Variants in MMP15 observed in about 807,000 individuals in gnomAD.
MMP15 encodes the protein matrix metalloproteinase-15.
MMP15 carries 36 observed loss-of-function variants against 65.0 expected under a neutral mutation model. The observed-to-expected ratio is 0.55, with a 90% CI of 0.42 to 0.73. The LOEUF (loss-of-function observed/expected upper bound fraction) is 0.73, where lower values mean the gene tolerates loss of function less well. Among genes scored for constraint, MMP15 ranks in the 30% least tolerant of loss-of-function variants. The pLI is 0.00. For missense variants in MMP15, 870 were observed against 987.8 expected (o/e 0.88, Z 1.60); for synonymous variants, 428 against 410.2 (o/e 1.04, Z -0.52).
intron 1 of MMP15, among the ~76,000 whole-genome samples, chr16:58,035,919 G>A (rs1216336455): frequency 1.3e-5 from 2 of 152,220 alleles, no homozygotes; most frequent in East Asian, 3.8e-4. Context: ...GGACCTGGCC[G>A]GGTGCCAGGG....
chr16:58,040,533 A>G lies in MMP15; in HGVS notation c.749-4A>G, dbSNP rs1401671204. 5.6e-6 allele frequency: 9 copies of G among 1,611,882 alleles called. No individual in the cohort carries two copies. The highest frequency in any genetic ancestry group is 7.6e-6 in the Non-Finnish European group (9 of 1,179,850). ...CTGTGCTGCCCTCCTTCTCTCCCCA[A>G]AAGGAAACAACCTCTTCCTGGTGGC... On this transcript the variant is annotated splice_region_variant and splice_polypyrimidine_tract_variant and intron_variant, in intron 4 of 9. Transcript: ENST00000219271.
intron 6 of MMP15, 49 bp from the exon 7 acceptor site, chr16:58,042,182 G>A (rs189990881): frequency 9.5e-5 from 151 of 1,581,786 alleles, no homozygotes; most frequent in Admixed American, 4.5e-4. Context: ...CACCTCTCCC[G>A]GCCAAGGCAG....
intron 1 of MMP15, among the ~76,000 whole-genome samples, chr16:58,027,319 C>T (rs1294622059): frequency 6.6e-6 from 1 of 152,232 alleles, no homozygotes; most frequent in East Asian, 1.9e-4. Flanking sequence ...GACATCCCGG[C>T]GTAGAGCCGA....
In MMP15 at chr16:58,041,654, C is replaced by T. The variant is rs1265583577; in HGVS notation, c.948C>T (p.Leu316=). 2 of 1,582,140 alleles carry T rather than the reference C, an allele frequency of 1.3e-6. No homozygotes were observed. The highest frequency in any genetic ancestry group is 2.3e-5 in the South Asian group (2 of 87,116). ...GTCAGCCACAGCCTACCCAGCCTCT[C>T]CCCACTGTGACGCCACGGCGGCCAG... ...PDGQPQPTQP[L]PTVTPRRPGR... The change falls in exon 6 of 10, where the codon CTC becomes CTT. Residue 316 remains leucine, a synonymous_variant. Transcript: ENST00000219271.
intron 1 of MMP15, 89 bp downstream of exon 1, chr16:58,026,601 G>A (rs1597060282): frequency 1.6e-6 from 2 of 1,243,758 alleles, no homozygotes; most frequent in Non-Finnish European, 2.0e-6. Context: ...GAGGTGGAGG[G>A]AGCGGAGACG....
At chr16:58,037,346 C>T in intron 1 of MMP15, 126 bp from the exon 2 acceptor site, 4 of 1,218,552 alleles carry the variant, frequency 3.3e-6, no homozygotes, top group Middle Eastern at 2.5e-4. Flanking sequence ...GTCACCTGGG[C>T]AGGAGGTGAT....
Position 58,041,698 on chromosome 16 carries a change from C to T in MMP15, c.992C>T (p.Pro331Leu), listed in dbSNP as rs746011827. ...PRRPGRPDHR[P>L]PRPPQPPPPG... ...CGGCCAGGCCGGCCTGACCACCGGC[C>T]GCCCCGGCCTCCCCAGCCACCACCC... is the stretch of plus-strand genomic sequence containing the variant. Residue 331 changes from proline (P) to leucine (L), a missense_variant, in exon 6 of 10, where the codon CCG becomes CTG. Coordinates refer to ENST00000219271, the MANE Select transcript of MMP15 (RefSeq NM_002428.4). 9.2e-5 allele frequency: 145 copies of T among 1,579,080 alleles called. No homozygotes were observed. The highest frequency in any genetic ancestry group is 1.1e-4 in the Non-Finnish European group (125 of 1,162,770).
At position 58,043,343 on chromosome 16, in the gene MMP15, C is replaced by T; in HGVS notation, c.1437C>T (p.Phe479=). The change falls in exon 8 of 10, where the codon TTC becomes TTT. Residue 479 remains phenylalanine, a synonymous_variant. Transcript: ENST00000219271. ...AIWWEPTGHT[F]FFQEDRYWRF... ...GGTGGGAGCCCACAGGCCACACCTT[C>T]TTCTTCCAAGAGGACAGGTGAGCAG... The T allele has an allele frequency of 6.2e-7, 1 of 1,605,596 alleles. No individual in the cohort carries two copies. The highest frequency in any genetic ancestry group is 8.5e-7 in the Non-Finnish European group (1 of 1,175,078).
At position 58,040,168 on chromosome 16, in the gene MMP15, G is replaced by A. The variant is rs1356948559; in HGVS notation, c.734G>A (p.Ser245Asn). Residue 245 changes from serine (S) to asparagine (N), a missense_variant, in exon 4 of 10, where the codon AGC becomes AAC. Ser to Asn is a conservative substitution (Grantham distance 46, BLOSUM62 1). Transcript: ENST00000219271. ...GCAGATGAGCCCTGGACCTTCTCCA[G>A]CACTGACCTGCATGGTGAGGACAGC... is the stretch of plus-strand genomic sequence containing the variant. Reference protein sequence around the residue: ...FDADEPWTFSSTDLHGNNLFL... With the variant: ...FDADEPWTFSNTDLHGNNLFL... The A allele has an allele frequency of 6.2e-7, 1 of 1,609,398 alleles. No individual in the cohort carries two copies. The highest frequency in any genetic ancestry group is 1.7e-5 in the Admixed American group (1 of 59,992).
Position 58,025,761 on chromosome 16 carries a change from G to C in MMP15, c.-590G>C, listed in dbSNP as rs1246835687. ...GCGGCCGCGGCGCGCGGGGAGGAGG[G>C]CTGGGAGCGCCCGGAGCCGCGCTGA... On this transcript the variant is annotated 5_prime_UTR_variant, in exon 1 of 10. Transcript: ENST00000219271. 1 of 151,946 alleles carries C rather than the reference G, an allele frequency of 6.6e-6. No individual in the cohort carries two copies. Among genetic ancestry groups the C allele is most frequent in the Non-Finnish European group, 1.5e-5 (1 of 67,924 alleles). 9.4% of individuals were successfully genotyped at this position (151,946 alleles called of 1,614,324 possible).
chr16:58,031,821 A>G (rs1963891836), intron 1 of MMP15, among the ~76,000 whole-genome samples: 1 of 147,168 alleles, frequency 6.8e-6, no homozygotes, highest in African/African-American at 2.5e-5. Flanking sequence ...GGTAGTGAGC[A>G]ATCCTCCAAG....
At chr16:58,036,552 C>A (rs1179622764) in intron 1 of MMP15, among the ~76,000 whole-genome samples, 1 of 152,174 alleles carries the variant, frequency 6.6e-6, no homozygotes, top group Non-Finnish European at 1.5e-5. Flanking sequence ...CATTGTGTAC[C>A]AGCTTTTTCC....
rs187532996 is a variant in MMP15, at chr16:58,028,511, A to T, written c.162+1999A>T. Among the ~76,000 whole-genome samples the T allele has an allele frequency of 6.6e-3, 1,012 of 152,270 alleles. 5 individuals carry two copies. Among genetic ancestry groups the T allele is most frequent in the Non-Finnish European group, 0.01 (696 of 68,014 alleles). ...GGTCTGGCCACATGTGGGCCCAAAG[A>T]GTCAAATGGCCTCAGCAGCCAGCCC... On this transcript the variant is annotated intron_variant, in intron 1 of 9. Coordinates refer to ENST00000219271, the MANE Select transcript of MMP15 (RefSeq NM_002428.4).
chr16:58,040,056 G>A lies in MMP15; in HGVS notation c.622G>A (p.Asp208Asn). 1 of 1,614,138 alleles carries A rather than the reference G, an allele frequency of 6.2e-7. No homozygotes were observed. The highest frequency in any genetic ancestry group is 8.5e-7 in the Non-Finnish European group (1 of 1,180,044). The part of the protein sequence containing the change: ...MVLFASGFHG[D>N]SSPFDGTGGF... ...ACTCTTTGCCTCTGGCTTCCACGGCGACAGCTCGCCGTTTGATGGCACCGG... is the reference window on the plus strand; with the variant it reads ...ACTCTTTGCCTCTGGCTTCCACGGCAACAGCTCGCCGTTTGATGGCACCGG... Residue 208 changes from aspartate (D) to asparagine (N), a missense_variant, in exon 4 of 10, where the codon GAC (aspartate) becomes AAC (asparagine). Transcript: ENST00000219271.
At chr16:58,042,697 A>G (rs1375790774) in intron 7 of MMP15, among the ~76,000 whole-genome samples, 3 of 152,220 alleles carry the variant, frequency 2.0e-5, no homozygotes, top group Non-Finnish European at 4.4e-5. Flanking sequence ...CTCCGGGGCC[A>G]GATTTCTGTG....
chr16:58,040,198 C>G lies in MMP15; in HGVS notation c.748+16C>G, dbSNP rs766476078. The stretch of plus-strand genomic sequence containing the variant: ...GACCTGCATGGTGAGGACAGCTGGC[C>G]AGGGTGAGGGGCAGGGCAGGTGGCC... On this transcript the variant is annotated intron_variant, in intron 4 of 9. Coordinates refer to ENST00000219271, the MANE Select transcript of MMP15 (RefSeq NM_002428.4). The G allele has an allele frequency of 6.3e-7, 1 of 1,594,092 alleles. No individual in the cohort carries two copies. The highest frequency in any genetic ancestry group is 2.2e-5 in the East Asian group (1 of 44,592).
At chr16:58,033,054 A>C (rs1287481708) in intron 1 of MMP15, among the ~76,000 whole-genome samples, 1 of 151,370 alleles carries the variant, frequency 6.6e-6, no homozygotes. Flanking sequence ...CCCCTCCCCC[A>C]CCCCACTCCC....
Position 58,040,560 on chromosome 16 carries a change from G to A in MMP15, c.772G>A (p.Val258Met), listed in dbSNP as rs1959431673. ...LHGNNLFLVA[V>M]HELGHALGLE... is the part of the protein sequence containing the mutation. ...AGGAAACAACCTCTTCCTGGTGGCAGTGCATGAGCTGGGCCACGCGCTGGG... is the reference window on the plus strand; with the variant it reads ...AGGAAACAACCTCTTCCTGGTGGCAATGCATGAGCTGGGCCACGCGCTGGG... Residue 258 changes from valine to methionine, a missense_variant, in exon 5 of 10, where the codon GTG becomes ATG. Coordinates refer to ENST00000219271, the MANE Select transcript of MMP15 (RefSeq NM_002428.4). 6.2e-7 allele frequency: 1 copy of A among 1,613,766 alleles called. No individual in the cohort carries two copies. Among genetic ancestry groups the A allele is most frequent in the African/African-American group, 1.3e-5 (1 of 75,050 alleles).
rs777510054 is a variant in MMP15 at position 58,043,635 on chromosome 16, G to T, written c.1570+8G>T. 5.0e-6 allele frequency: 8 copies of T among 1,596,534 alleles called. No homozygotes were observed. In the Middle Eastern group the frequency reaches 6.7e-4, roughly 133 times the overall value. On this transcript the variant is annotated splice_region_variant and intron_variant, in intron 9 of 9. Transcript: ENST00000219271. ...TCCTGAGCAATGACGCAGGTACCTG[G>T]CCAGCCCCTCCCAGTTTGCCCAGCA...
Sources: gnomAD v4.1 joint callset for allele counts (sites outside exome capture counted in the v4.1 genomes callset) on GRCh38, gnomAD v4.1.1 for gene constraint, MANE v1.5 for transcripts, NCBI Gene and HGNC (gene_info 2026-07-23, HGNC 2026-07-21) for gene names.